The following PTPRN2 variants were observed in gnomAD, a reference collection of about 807,000 sequenced individuals.
PTPRN2 encodes the protein protein tyrosine phosphatase receptor type N2.
A neutral mutation model predicts 118.8 loss-of-function variants in PTPRN2; 74 were observed. The ratio of observed to expected loss-of-function variants is 0.62; its 90% CI spans 0.52 to 0.76. PTPRN2 has a LOEUF of 0.76. PTPRN2 is among the 30% of genes least tolerant of loss of function. The pLI is 0.00. For synonymous variants in PTPRN2, 641 were observed against 608.0 expected, an observed-to-expected ratio of 1.05 and a Z score of -0.80; for missense variants, 1,481 against 1,394.4, an observed-to-expected ratio of 1.06 and a Z score of -0.99.
chr7:157,891,316 C>A (rs905152827), intron 12 of PTPRN2, among the ~76,000 whole-genome samples: 7 of 152,110 alleles, frequency 4.6e-5, no homozygotes, highest in African/African-American at 1.7e-4. Flanking sequence ...GGGTGGAAGT[C>A]AGGGGGAAAT....
At chr7:158,311,905 ACG>A (rs1283113840) in intron 3 of PTPRN2, among the ~76,000 whole-genome samples, 30 of 149,226 alleles carry the variant, frequency 2.0e-4, no homozygotes, top group African/African-American at 7.6e-4. Context: ...ACACCCACAC[ACG>A]CACACACCTG....
chr7:158,329,445 G>A (rs576893683), intron 2 of PTPRN2, among the ~76,000 whole-genome samples: 9 of 152,318 alleles, frequency 5.9e-5, no homozygotes, highest in East Asian at 3.9e-4. Flanking sequence ...GTTAGCAGGC[G>A]GACGGCTGAG....
At chr7:157,857,733 C>T (rs1342528064) in intron 12 of PTPRN2, 1 of 152,366 alleles carries the variant, frequency 6.6e-6, no homozygotes, top group Non-Finnish European at 1.5e-5. Flanking sequence ...CCGTCCATAA[C>T]TGGTCATCCT....
intron 2 of PTPRN2, among the ~76,000 whole-genome samples, chr7:158,441,059 GGGGGTGGT>G (rs1817050738): frequency 1.8e-5 from 1 of 56,034 alleles, no homozygotes; most frequent in Admixed American, 2.2e-4. Context: ...TGGTAGTGAT[GGGGGTGGT>G]AGTGATGGTG....
intron 3 of PTPRN2, among the ~76,000 whole-genome samples, chr7:158,290,452 A>G (rs933169245): frequency 1.3e-5 from 2 of 152,064 alleles, no homozygotes; most frequent in South Asian, 2.1e-4. Flanking sequence ...GGGCCCAGAG[A>G]CTAAGTCCAC....
intron 2 of PTPRN2, among the ~76,000 whole-genome samples, chr7:158,353,930 G>C (rs1306150952): frequency 6.6e-6 from 1 of 152,180 alleles, no homozygotes; most frequent in Non-Finnish European, 1.5e-5. Context: ...CAAAGGTGGG[G>C]GTGGGGCTAC....
chr7:157,754,437 C>T (rs59908205), intron 12 of PTPRN2, among the ~76,000 whole-genome samples: 7,563 of 152,328 alleles, frequency 0.05, 270 homozygotes, highest in South Asian at 0.15. Flanking sequence ...GAAAGAAAAC[C>T]GGGAGGAGGC....
chr7:158,138,392 T>A lies in PTPRN2; in HGVS notation c.1034A>T (p.His345Leu), dbSNP rs775862506. 1.9e-6 allele frequency: 3 copies of A among 1,613,594 alleles called. No homozygotes were observed. Among genetic ancestry groups the A allele is most frequent in the African/African-American group, 1.3e-5 (1 of 74,938 alleles). The change falls in exon 7 of 23, where the codon CAT becomes CTT. Residue 345 changes from histidine to leucine, a missense_variant. By Grantham distance (99) the His-to-Leu change is moderately conservative (BLOSUM62 -3). Transcript: ENST00000389418. Reference sequence around the variant, plus strand: ...CCCAGGGCTGCCTCGAGCTACTCCATGGTCCACGCCTTGCATCAGGCCAGC... The same window carrying A: ...CCCAGGGCTGCCTCGAGCTACTCCAAGGTCCACGCCTTGCATCAGGCCAGC... The part of the protein sequence containing the change: ...LMAGLMQGVD[H>L]GVARGSPGRA...
Position 157,988,699 on chromosome 7 carries a change from G to A in PTPRN2, c.1724-89962C>T, listed in dbSNP as rs545198122. Among the ~76,000 whole-genome samples the A allele has an allele frequency of 1.2e-4, 19 of 152,304 alleles. No individual in the cohort carries two copies. In the South Asian group the frequency reaches 1.5e-3, roughly 12 times the overall value. On this transcript the variant is annotated intron_variant, in intron 11 of 22. Coordinates refer to ENST00000389418, the MANE Select transcript of PTPRN2 (RefSeq NM_002847.5). ...CACAGGCGAGAAATGCCCATGACCC[G>A]GTCCACAGGTCATGCACGTCCACAC...
chr7:158,072,552 C>T (rs1812026888), intron 11 of PTPRN2, among the ~76,000 whole-genome samples: 1 of 152,162 alleles, frequency 6.6e-6, no homozygotes, highest in Admixed American at 6.5e-5. Flanking sequence ...CATGCTGGTC[C>T]CAAGTGCTCA....
chr7:158,337,031 C>T (rs1805717243), intron 2 of PTPRN2, among the ~76,000 whole-genome samples: 1 of 106,448 alleles, frequency 9.4e-6, no homozygotes, highest in Non-Finnish European at 2.1e-5. Context: ...CTGTCACCCA[C>T]AGACATCACT....
chr7:158,358,829 T>C (rs1351466553), intron 2 of PTPRN2, among the ~76,000 whole-genome samples: 3 of 152,180 alleles, frequency 2.0e-5, no homozygotes, highest in Admixed American at 6.5e-5. Flanking sequence ...AGAGGTTCTG[T>C]TTGGAATAGA....
At chr7:158,568,329 T>C (rs1370820256) in intron 1 of PTPRN2, among the ~76,000 whole-genome samples, 1 of 152,080 alleles carries the variant, frequency 6.6e-6, no homozygotes, top group African/African-American at 2.4e-5. Context: ...ATGGGGAAAC[T>C]GAGATGCAGA....
chr7:157,900,715 A>T (rs911174913), intron 11 of PTPRN2, among the ~76,000 whole-genome samples: 2 of 151,562 alleles, frequency 1.3e-5, no homozygotes, highest in African/African-American at 4.9e-5. Context: ...GCTCAGGGGC[A>T]CCCCCTCCCT....
chr7:158,569,465 G>A (rs1223485904), intron 1 of PTPRN2, among the ~76,000 whole-genome samples: 4 of 152,242 alleles, frequency 2.6e-5, no homozygotes, highest in Admixed American at 2.0e-4. Context: ...ACGTCACAGC[G>A]GAGGAAGGCT....
At chr7:157,912,613 G>C (rs186516582) in intron 11 of PTPRN2, among the ~76,000 whole-genome samples, 11 of 152,202 alleles carry the variant, frequency 7.2e-5, no homozygotes, top group African/African-American at 2.4e-4. Context: ...ATACAACTCT[G>C]TTTTTTTCCT....
At chr7:158,280,522 T>C (rs1799350404) in intron 3 of PTPRN2, among the ~76,000 whole-genome samples, 1 of 152,178 alleles carries the variant, frequency 6.6e-6, no homozygotes, top group Non-Finnish European at 1.5e-5. Flanking sequence ...GGGGATGTTT[T>C]TTGAAACTAG....
intron 16 of PTPRN2, among the ~76,000 whole-genome samples, chr7:157,601,798 T>C (rs1289072553): frequency 1.3e-5 from 2 of 152,244 alleles, no homozygotes; most frequent in Admixed American, 1.3e-4. Flanking sequence ...CTTTTAGGCT[T>C]GTGAATCACG....
chr7:158,469,914 C>T (rs907695996), intron 2 of PTPRN2, among the ~76,000 whole-genome samples: 2 of 151,722 alleles, frequency 1.3e-5, no homozygotes, highest in African/African-American at 2.4e-5. Context: ...TGTCCTATTG[C>T]ATCATAACGG....
Sources: allele counts gnomAD v4.1 joint callset (sites outside exome capture counted in the v4.1 genomes callset), GRCh38; gene constraint gnomAD v4.1.1; transcripts MANE v1.5; gene names NCBI Gene and HGNC (gene_info 2026-07-23, HGNC 2026-07-21).